The following ZNF350 variants were observed in gnomAD, a reference collection of about 807,000 sequenced individuals.
The protein encoded by ZNF350 is zinc finger protein 350, also known as KRAB zinc finger protein ZFQR.
In ZNF350, 5 loss-of-function variants were observed where a neutral mutation model predicts 13.1. That is an observed-to-expected ratio of 0.38 (90% CI 0.20 to 0.80). The LOEUF is 0.80. Ranked by LOEUF, ZNF350 falls within the 30% of genes least tolerant of loss-of-function variation. The pLI, the probability that ZNF350 is intolerant of heterozygous loss-of-function variation, is 0.43. For synonymous variants in ZNF350, 199 were observed against 224.2 expected, an observed-to-expected ratio of 0.89 and a Z score of 1.00; for missense variants, 534 against 644.2, an observed-to-expected ratio of 0.83 and a Z score of 1.85.
Position 51,964,806 on chromosome 19 carries a change from C to G in ZNF350, c.*48G>C, listed in dbSNP as rs2085516147. ...GTATGCTTTTCGGCCACATAATGAA[C>G]TACAAATTTTTGCTCAACCCTTTTC... is the stretch of plus-strand genomic sequence containing the variant. On this transcript the variant is annotated 3_prime_UTR_variant, in exon 5 of 5. Coordinates refer to ENST00000243644, the MANE Select transcript of ZNF350 (RefSeq NM_021632.4). 2 of 1,561,976 alleles carry G rather than the reference C, an allele frequency of 1.3e-6. No homozygotes were observed. Among genetic ancestry groups the G allele is most frequent in the Admixed American group, 3.7e-5 (2 of 54,740 alleles).
At chr19:51,968,240 C>G (rs1328510136) in intron 4 of ZNF350, among the ~76,000 whole-genome samples, 3 of 152,124 alleles carry the variant, frequency 2.0e-5, no homozygotes, top group Non-Finnish European at 4.4e-5. Flanking sequence ...TCAAAGTTTC[C>G]TCTTTGGAAA....
intron 1 of ZNF350, among the ~76,000 whole-genome samples, chr19:51,983,551 C>T (rs1480759361): frequency 6.6e-6 from 1 of 152,202 alleles, no homozygotes; most frequent in Non-Finnish European, 1.5e-5. Flanking sequence ...AAAGGTGAGA[C>T]ATACTGGCGG....
At chr19:51,981,689 C>A (rs2122957148) in intron 1 of ZNF350, among the ~76,000 whole-genome samples, 1 of 152,026 alleles carries the variant, frequency 6.6e-6, no homozygotes, top group Non-Finnish European at 1.5e-5. Context: ...CAAAACTGAC[C>A]AGAAATCCTA....
chr19:51,980,028 T>C (rs2085995203), intron 1 of ZNF350, among the ~76,000 whole-genome samples: 1 of 152,234 alleles, frequency 6.6e-6, no homozygotes, highest in Non-Finnish European at 1.5e-5. Flanking sequence ...TGTCTAATAA[T>C]AGCAATAGTA....
At chr19:51,968,701 A>G (rs756342046) in intron 3 of ZNF350, 28 bp from the exon 4 acceptor site, 1 of 1,603,846 alleles carries the variant, frequency 6.2e-7, no homozygotes, top group East Asian at 2.2e-5. Context: ...TAGAGGACTT[A>G]GACATATCAA....
chr19:51,969,908 T>C (rs1455495326), intron 2 of ZNF350, among the ~76,000 whole-genome samples: 2 of 152,160 alleles, frequency 1.3e-5, no homozygotes, highest in East Asian at 3.8e-4. Context: ...TTTCTGTTTT[T>C]TTGAAATGGA....
intron 2 of ZNF350, 161 bp from the exon 3 acceptor site, chr19:51,969,292 T>C (rs2085667083): frequency 3.9e-6 from 3 of 768,440 alleles, no homozygotes; most frequent in Non-Finnish European, 5.9e-6. Context: ...TATAATATTC[T>C]GTAACTGTAT....
chr19:51,971,819 C>T (rs769788515), intron 2 of ZNF350, among the ~76,000 whole-genome samples: 1 of 152,136 alleles, frequency 6.6e-6, no homozygotes, highest in South Asian at 2.1e-4. Context: ...TGTGTTCAGT[C>T]CCCCTAGGTC....
Position 51,968,573 on chromosome 19 carries a change from C to T in ZNF350, c.238+5G>A, listed in dbSNP as rs781440950. ...CATAGCCTTCTGTCTTGTGGGTTCT[C>T]TCACCTGAACAGGCTCCACTGTGGA... On this transcript the variant is annotated splice_donor_5th_base_variant and intron_variant, in intron 4 of 4. Transcript: ENST00000243644. 9.9e-6 allele frequency: 16 copies of T among 1,613,768 alleles called. No individual in the cohort carries two copies. In the South Asian group the frequency reaches 1.6e-4, roughly 17 times the overall value.
chr19:51,968,391 A>T lies in ZNF350; in HGVS notation c.238+187T>A. On this transcript the variant is annotated intron_variant, in intron 4 of 4. Coordinates refer to ENST00000243644, the MANE Select transcript of ZNF350 (RefSeq NM_021632.4). ...AATAATCAGATCTCTGAGGAGATAA[A>T]GAGTTTTTGTTTTGTTTTGTTTTTT... 3 of 613,096 alleles carry T rather than the reference A, an allele frequency of 4.9e-6. No individual in the cohort carries two copies. The South Asian group carries it at 5.9e-5, about 12-fold the overall frequency. The allele number at this position is 613,096 out of a possible 1,614,324, so 38.0% of individuals were successfully genotyped here. A position where few individuals can be genotyped will look rare whatever the true frequency, so the allele number is the denominator to read the frequency against.
At chr19:51,984,623 G>A (rs980530084) in intron 1 of ZNF350, among the ~76,000 whole-genome samples, 2 of 152,072 alleles carry the variant, frequency 1.3e-5, no homozygotes, top group Non-Finnish European at 2.9e-5. Flanking sequence ...AATAATACAA[G>A]CTTTAGGTAA....
chr19:51,966,781 G>A (rs1028309554), intron 4 of ZNF350, among the ~76,000 whole-genome samples: 37 of 151,022 alleles, frequency 2.4e-4, no homozygotes, highest in Non-Finnish European at 2.4e-4. Context: ...CCGAGTAGCT[G>A]GGATTACAGG....
Position 51,974,531 on chromosome 19 carries a change from C to T in ZNF350, c.-171G>A. On this transcript the variant is annotated splice_region_variant and 5_prime_UTR_variant, in exon 2 of 5. Transcript: ENST00000243644. ...GTTTTTTGCTCCTGAGGAGTCAGAACCTGTGGGTTGAAGAGCAAATTCAAT... is the reference window on the plus strand; with the variant it reads ...GTTTTTTGCTCCTGAGGAGTCAGAATCTGTGGGTTGAAGAGCAAATTCAAT... 1.4e-6 allele frequency: 1 copy of T among 724,448 alleles called. No homozygotes were observed. The highest frequency in any genetic ancestry group is 2.3e-6 in the Non-Finnish European group (1 of 434,544). The allele number at this position is 724,448 out of a possible 1,614,324, so 44.9% of individuals were successfully genotyped here. A position where few individuals can be genotyped will look rare whatever the true frequency, so the allele number is the denominator to read the frequency against.
At chr19:51,966,280 T>C (rs1010990492) in intron 4 of ZNF350, 66 bp from the exon 5 acceptor site, 2 of 1,456,390 alleles carry the variant, frequency 1.4e-6, no homozygotes, top group African/African-American at 1.5e-5. Flanking sequence ...GTGGTTTTTT[T>C]GTTTTTTTTG....
At chr19:51,977,584 A>AT (rs774480137) in intron 1 of ZNF350, among the ~76,000 whole-genome samples, 2 of 152,208 alleles carry the variant, frequency 1.3e-5, no homozygotes, top group Non-Finnish European at 2.9e-5. Context: ...CTGGGCCACA[A>AT]TCCTGAAGAG....
In ZNF350 at chr19:51,965,252, G is replaced by T; in HGVS notation, c.1201C>A (p.Pro401Thr). ...TTCCCACACTCGTTACAGCCATAGG[G>T]TCTCTCTCCTGTATGAGTCCTTTGA... Reference protein sequence around the residue: ...VHQRTHTGERPYGCNECGKAF... With the variant: ...VHQRTHTGERTYGCNECGKAF... The change falls in exon 5 of 5, where the codon CCC (proline) becomes ACC (threonine). Residue 401 changes from proline (P) to threonine (T), a missense_variant. Coordinates refer to ENST00000243644, the MANE Select transcript of ZNF350 (RefSeq NM_021632.4). 2 of 1,614,192 alleles carry T rather than the reference G, an allele frequency of 1.2e-6. No homozygotes were observed. The highest frequency in any genetic ancestry group is 8.5e-7 in the Non-Finnish European group (1 of 1,180,030).
chr19:51,965,126 T>C lies in ZNF350; in HGVS notation c.1327A>G (p.Ser443Gly). Residue 443 changes from serine (S) to glycine (G), a missense_variant, in exon 5 of 5, where the codon AGC becomes GGC. Physicochemically the swap from Ser to Gly is moderately conservative, Grantham distance 56. Coordinates refer to ENST00000243644, the MANE Select transcript of ZNF350 (RefSeq NM_021632.4). The part of the protein sequence containing the change: ...KVENPPAERH[S>G]SLHTSDVMQE... ...ATGACATCACTGGTGTGTAATGAGC[T>C]GTGCCTCTCTGCAGGAGGATTTTCC... 6.2e-7 allele frequency: 1 copy of C among 1,614,242 alleles called. No homozygotes were observed.
At chr19:51,981,453 C>G (rs2086041007) in intron 1 of ZNF350, 1 of 152,174 alleles carries the variant, frequency 6.6e-6, no homozygotes, top group Admixed American at 6.5e-5. Context: ...CGCCACCGCG[C>G]CTGGCTGATT....
rs1408893857 is a variant in ZNF350, at chr19:51,976,352, G to T, written c.-171-1821C>A. On this transcript the variant is annotated intron_variant, in intron 1 of 4. Coordinates refer to ENST00000243644, the MANE Select transcript of ZNF350 (RefSeq NM_021632.4). This position sits in a 1 kb window ranked among gnomAD's most constrained non-coding sequence, Gnocchi z 4.5. Reference sequence around the variant, plus strand: ...TCCCTTCTTCCAAATACACTCTTTTGTCTCATCTTTATTCCCGTGTTCACC... The same window carrying T: ...TCCCTTCTTCCAAATACACTCTTTTTTCTCATCTTTATTCCCGTGTTCACC... 6.6e-6 allele frequency: 1 copy of T among 152,210 alleles called. No individual in the cohort carries two copies. The highest frequency in any genetic ancestry group is 1.5e-5 in the Non-Finnish European group (1 of 68,074). 9.4% of individuals were successfully genotyped at this position (152,210 alleles called of 1,614,324 possible). A position where few individuals can be genotyped will look rare whatever the true frequency, so the allele number is the denominator to read the frequency against.
Sources: gnomAD v4.1 joint callset for allele counts (sites outside exome capture counted in the v4.1 genomes callset) on GRCh38, gnomAD v4.1.1 for gene constraint, Gnocchi (gnomAD v3.1) non-coding constraint, MANE v1.5 for transcripts, NCBI Gene and HGNC (gene_info 2026-07-23, HGNC 2026-07-21) for gene names.